The following RGP1 variants were observed in gnomAD, a reference collection of about 807,000 sequenced individuals.
RGP1 encodes the protein RAB6A-GEF complex partner protein 2.
In RGP1, 28 loss-of-function variants were observed where a neutral mutation model predicts 44.5. The observed-to-expected ratio is 0.63, with a 90% confidence interval of 0.47 to 0.86. RGP1 has a LOEUF of 0.86. RGP1 is among the 40% of genes least tolerant of loss of function. The pLI, the probability that RGP1 is intolerant of heterozygous loss-of-function variation, is 0.00. For synonymous variants in RGP1, 212 were observed against 196.7 expected (o/e 1.08, Z -0.65); for missense variants, 417 against 490.7 (o/e 0.85, Z 1.42).
At chr9:35,782,833 A>G in the RGP1 span, among the ~76,000 whole-genome samples, 1 of 140,110 alleles carries the variant, frequency 7.1e-6, no homozygotes, top group Non-Finnish European at 1.5e-5. Context: ...TTTGAGACTG[A>G]GTTTTGCTCT....
the RGP1 span, among the ~76,000 whole-genome samples, chr9:35,786,939 CA>C: frequency 0.043 from 6,186 of 143,244 alleles, 240 homozygotes; most frequent in African/African-American, 0.099. Context: ...ACTAAAAATA[CA>C]AAAAAAAAAA....
At chr9:35,785,300 A>G in the RGP1 span, among the ~76,000 whole-genome samples, 1 of 151,854 alleles carries the variant, frequency 6.6e-6, no homozygotes. Context: ...TTGTGCTACT[A>G]CTGTTTGAAG....
At chr9:35,783,653 A>T in the RGP1 span, among the ~76,000 whole-genome samples, 1 of 152,090 alleles carries the variant, frequency 6.6e-6, no homozygotes, top group Non-Finnish European at 1.5e-5. Flanking sequence ...ATAGTATTCC[A>T]CTGTGTAAAT....
the RGP1 span, among the ~76,000 whole-genome samples, chr9:35,770,982 A>T: frequency 6.6e-6 from 1 of 152,186 alleles, no homozygotes; most frequent in Non-Finnish European, 1.5e-5. Flanking sequence ...GTTTGGTAGG[A>T]TCAGAGTGAA....
At chr9:35,769,149 C>T in the RGP1 span, among the ~76,000 whole-genome samples, 14 of 152,366 alleles carry the variant, frequency 9.2e-5, no homozygotes, top group Middle Eastern at 3.4e-3. Flanking sequence ...AGGGGCACTG[C>T]GTGCCCATGT....
chr9:35,778,445 C>A, the RGP1 span, among the ~76,000 whole-genome samples: 1 of 152,208 alleles, frequency 6.6e-6, no homozygotes, highest in African/African-American at 2.4e-5. Flanking sequence ...AATTAAATTT[C>A]TGGCCCCTTC....
the RGP1 span, among the ~76,000 whole-genome samples, chr9:35,768,149 A>T: frequency 7.0e-6 from 1 of 142,288 alleles, no homozygotes; most frequent in Non-Finnish European, 1.5e-5. Flanking sequence ...TGTCGCTCTG[A>T]TGCAGTGGCT....
At chr9:35,764,285 T>C in the RGP1 span, among the ~76,000 whole-genome samples, 31 of 152,330 alleles carry the variant, frequency 2.0e-4, no homozygotes, top group Non-Finnish European at 4.0e-4. Flanking sequence ...ATGAGAAGTG[T>C]GCATATTCAC....
chr9:35,750,218 A>T (rs747420241), intron 2 of RGP1, 25 bp from the exon 3 acceptor site: 24 of 1,608,714 alleles, frequency 1.5e-5, no homozygotes, highest in East Asian at 2.2e-5. Flanking sequence ...ACTACCTCTG[A>T]TGCCTCCTTT....
the RGP1 span, among the ~76,000 whole-genome samples, chr9:35,770,238 G>C: frequency 7.2e-5 from 11 of 152,290 alleles, no homozygotes; most frequent in Non-Finnish European, 1.3e-4. Context: ...AAGAATAACT[G>C]AGGTTTTTGG....
intron 7 of RGP1, 25 bp downstream of exon 7, chr9:35,751,779 C>G: frequency 3.1e-6 from 5 of 1,613,574 alleles, no homozygotes; most frequent in Non-Finnish European, 4.2e-6. Context: ...GAGCTTCTTA[C>G]CTGCTGGGGT....
At chr9:35,769,356 A>AC in the RGP1 span, among the ~76,000 whole-genome samples, 1 of 151,754 alleles carries the variant, frequency 6.6e-6, no homozygotes, top group African/African-American at 2.4e-5. Flanking sequence ...AGCTCAACCC[A>AC]CCCTGATTTT....
At chr9:35,764,303 A>G in the RGP1 span, among the ~76,000 whole-genome samples, 1 of 152,182 alleles carries the variant, frequency 6.6e-6, no homozygotes, top group African/African-American at 2.4e-5. Flanking sequence ...CACACTCTTT[A>G]ACTCCTGTGG....
In RGP1 at chr9:35,753,142, GGCTGA is replaced by G. The variant is rs1250653597; in HGVS notation, c.*271_*275del. The G allele has an allele frequency of 6.2e-7, 1 of 1,614,204 alleles. No individual in the cohort carries two copies. Among genetic ancestry groups the G allele is most frequent in the South Asian group, 1.1e-5 (1 of 91,088 alleles). ...CAGGAGCCCCAGGAACAGGGGTGTT[GGCTGA>G]GCCCCATTCTGGGTCAGGCCCTCCC... On this transcript the variant is annotated 3_prime_UTR_variant, in exon 9 of 9. Transcript: ENST00000378078. The surrounding 1 kb of genome is among the most constrained non-coding windows in gnomAD (Gnocchi z 4.2).
Position 35,749,536 on chromosome 9 carries a change from G to T in RGP1, c.-20+128G>T, listed in dbSNP as rs1827189541. On this transcript the variant is annotated intron_variant, in intron 1 of 8. Transcript: ENST00000378078. The surrounding 1 kb of genome is among the most constrained non-coding windows in gnomAD (Gnocchi z 4.4). ...CGTCGCACAGGGGCTGGGGTCTAGG[G>T]CCCAGAGCGATGTCCTCCCCCTGGG... 3.0e-6 allele frequency: 2 copies of T among 675,628 alleles called. No individual in the cohort carries two copies. Among genetic ancestry groups the T allele is most frequent in the East Asian group, 2.9e-5 (1 of 34,418 alleles). The allele number at this position is 675,628 out of a possible 1,614,324, so 41.9% of individuals were successfully genotyped here.
chr9:35,771,178 C>G, the RGP1 span, among the ~76,000 whole-genome samples: 2 of 152,114 alleles, frequency 1.3e-5, no homozygotes, highest in African/African-American at 2.4e-5. Context: ...TGAGGAGTAA[C>G]TTCCGTAACA....
At chr9:35,761,474 C>T (rs745685775), downstream of RGP1, among the ~76,000 whole-genome samples, 2 of 152,030 alleles carry the variant, frequency 1.3e-5, no homozygotes, top group Non-Finnish European at 2.9e-5. Context: ...AGTTCAAGAC[C>T]TGCCTGGGTA....
chr9:35,789,532 A>G, the RGP1 span, among the ~76,000 whole-genome samples: 1 of 151,430 alleles, frequency 6.6e-6, no homozygotes, highest in Non-Finnish European at 1.5e-5. Flanking sequence ...GCCCCTTCCT[A>G]CTTTCTAGTT....
At chr9:35,770,009 C>A in the RGP1 span, among the ~76,000 whole-genome samples, 1 of 152,174 alleles carries the variant, frequency 6.6e-6, no homozygotes, top group Non-Finnish European at 1.5e-5. Context: ...AAGATTCTTA[C>A]CAGTACTGCA....
Sources: gnomAD v4.1 joint callset for allele counts (sites outside exome capture counted in the v4.1 genomes callset) on GRCh38, gnomAD v4.1.1 for gene constraint, Gnocchi (gnomAD v3.1) non-coding constraint, MANE v1.5 for transcripts, NCBI Gene and HGNC (gene_info 2026-07-23, HGNC 2026-07-21) for gene names.